DNM3: variants seen among roughly 807,000 people sequenced by gnomAD.
DNM3 encodes the protein dynamin 3.
DNM3 carries 47 observed loss-of-function variants against 101.6 expected under a neutral mutation model. The observed-to-expected ratio is 0.46, with a 90% CI of 0.37 to 0.59. DNM3 has a LOEUF of 0.59. Ranked by LOEUF, DNM3 falls within the 20% of genes least tolerant of loss-of-function variation. The probability of loss-of-function intolerance (pLI) is 0.00; values close to 1 mark genes in which losing one functional copy is unlikely to be tolerated. For synonymous variants in DNM3, 385 were observed against 387.9 expected, an observed-to-expected ratio of 0.99 and a Z score of 0.09; for missense variants, 849 against 1,085.7, an observed-to-expected ratio of 0.78 and a Z score of 3.06.
At chr1:171,910,993 G>T (rs1272057519) in intron 1 of DNM3, among the ~76,000 whole-genome samples, 4 of 152,174 alleles carry the variant, frequency 2.6e-5, no homozygotes, top group African/African-American at 9.7e-5. Context: ...TGGTTAAGGA[G>T]TCAACACTGA....
intron 1 of DNM3, among the ~76,000 whole-genome samples, chr1:171,903,542 C>T (rs1455553162): frequency 6.6e-6 from 1 of 152,162 alleles, no homozygotes; most frequent in Non-Finnish European, 1.5e-5. Context: ...GGTAAGTATA[C>T]TATTGTTATT....
In DNM3 at chr1:172,409,311, T is replaced by A. The variant is rs1246193621; in HGVS notation, c.*1470T>A. The A allele has an allele frequency of 1.0e-6, 1 of 985,356 alleles. No homozygotes were observed. Among genetic ancestry groups the A allele is most frequent in the Non-Finnish European group, 1.2e-6 (1 of 829,838 alleles). The allele number at this position is 985,356 out of a possible 1,614,324, so 61.0% of individuals were successfully genotyped here. The stretch of plus-strand genomic sequence containing the variant: ...TTGAAAGTAGCAAACATGATTTGTA[T>A]GTTAACTTAACTTTAATTTCCTGTG... On this transcript the variant is annotated 3_prime_UTR_variant, in exon 21 of 21. Coordinates refer to ENST00000627582, the MANE Select transcript of DNM3 (RefSeq NM_015569.5).
chr1:172,050,324 G>A (rs1294074463), intron 10 of DNM3, among the ~76,000 whole-genome samples: 1 of 152,170 alleles, frequency 6.6e-6, no homozygotes. Flanking sequence ...GCACACAGAT[G>A]TGTTTAGCCA....
Position 172,411,348 on chromosome 1 carries a change from A to G in DNM3, c.*3507A>G. On this transcript the variant is annotated 3_prime_UTR_variant, in exon 21 of 21. Coordinates refer to ENST00000627582, the MANE Select transcript of DNM3 (RefSeq NM_015569.5). ...CATGGTAATGTCCATAGACATTTGT[A>G]TCTGAATCCACAAGAAGATCTGAAT... The G allele has an allele frequency of 3.0e-6, 3 of 985,118 alleles. No individual in the cohort carries two copies. The highest frequency in any genetic ancestry group is 3.5e-5 in the African/African-American group (2 of 57,358). 61.0% of individuals were successfully genotyped at this position (985,118 alleles called of 1,614,324 possible).
intron 15 of DNM3, among the ~76,000 whole-genome samples, chr1:172,276,950 G>A (rs1024323988): frequency 5.9e-5 from 9 of 151,910 alleles, no homozygotes; most frequent in Non-Finnish European, 1.2e-4. Flanking sequence ...TCTGAATCAT[G>A]GTGGAATTCA....
intron 4 of DNM3, among the ~76,000 whole-genome samples, chr1:172,012,023 A>G (rs1267220643): frequency 6.6e-6 from 1 of 152,050 alleles, no homozygotes; most frequent in African/African-American, 2.4e-5. Flanking sequence ...TCTAATTTGC[A>G]ACATTTGTTT....
At chr1:172,096,626 GA>G (rs2054266841) in intron 13 of DNM3, among the ~76,000 whole-genome samples, 1 of 152,220 alleles carries the variant, frequency 6.6e-6, no homozygotes, top group Non-Finnish European at 1.5e-5. Context: ...GGAGCATAGT[GA>G]AAAAGTCAGA....
chr1:172,152,743 T>C (rs2058184771), intron 14 of DNM3, among the ~76,000 whole-genome samples: 2 of 152,138 alleles, frequency 1.3e-5, no homozygotes, highest in South Asian at 4.1e-4. Context: ...GGTATGTGTC[T>C]CCTTCACATT....
chr1:172,058,889 A>G (rs1215905539), intron 10 of DNM3, among the ~76,000 whole-genome samples: 1 of 152,196 alleles, frequency 6.6e-6, no homozygotes, highest in African/African-American at 2.4e-5. Flanking sequence ...ACCCTTAAAA[A>G]ATTAATGAAT....
At chr1:172,318,389 C>T (rs1308906990) in intron 16 of DNM3, among the ~76,000 whole-genome samples, 1 of 152,082 alleles carries the variant, frequency 6.6e-6, no homozygotes, top group African/African-American at 2.4e-5. Context: ...CTGGCCAGGG[C>T]AATCAGGCAG....
chr1:171,963,903 C>A (rs893621245), intron 2 of DNM3, among the ~76,000 whole-genome samples: 1 of 151,812 alleles, frequency 6.6e-6, no homozygotes, highest in Non-Finnish European at 1.5e-5. Context: ...CAAAGGCATT[C>A]AAAAAACCTG....
intron 15 of DNM3, among the ~76,000 whole-genome samples, chr1:172,300,069 A>G (rs1237545739): frequency 6.6e-6 from 1 of 152,112 alleles, no homozygotes; most frequent in Non-Finnish European, 1.5e-5. Flanking sequence ...GCTTTTTAGT[A>G]GTAGCCATTC....
At chr1:172,384,900 C>G (rs2069104422) in intron 18 of DNM3, among the ~76,000 whole-genome samples, 1 of 152,194 alleles carries the variant, frequency 6.6e-6, no homozygotes, top group Non-Finnish European at 1.5e-5. Flanking sequence ...GAGATTTGTG[C>G]AAATATCCAT....
chr1:172,136,844 G>C (rs1306896434), intron 14 of DNM3: 1 of 151,942 alleles, frequency 6.6e-6, no homozygotes, highest in Non-Finnish European at 1.5e-5. Flanking sequence ...TTTCCCAGAA[G>C]AGAAAAATTT....
At chr1:171,951,487 C>T (rs1006283477) in intron 2 of DNM3, among the ~76,000 whole-genome samples, 3 of 152,150 alleles carry the variant, frequency 2.0e-5, no homozygotes, top group Admixed American at 1.3e-4. Flanking sequence ...AAACCATTCT[C>T]ATTCTCTAAA....
intron 12 of DNM3, among the ~76,000 whole-genome samples, chr1:172,091,264 C>G (rs187547322): frequency 6.6e-6 from 1 of 152,252 alleles, no homozygotes; most frequent in African/African-American, 2.4e-5. Flanking sequence ...CAGACGCAAA[C>G]CCCTGCTCAT....
chr1:172,277,835 A>T (rs2063345444), intron 15 of DNM3, among the ~76,000 whole-genome samples: 1 of 152,110 alleles, frequency 6.6e-6, no homozygotes, highest in African/African-American at 2.4e-5. Flanking sequence ...CTAGAATAAG[A>T]AGCCTTGAAT....
chr1:172,056,807 A>G lies in DNM3; in HGVS notation c.1335+8057A>G, dbSNP rs375576252. 6.3e-4 allele frequency among the ~76,000 whole-genome samples: 96 copies of G among 152,354 alleles called. 1 individual carries two copies. In the East Asian group the frequency reaches 6.7e-3, roughly 11 times the overall value. ...AGTGCCTCTCCTCCTCCAAAGGAACACAGTTCCTCACCAGCAAAGGAACAA... is the reference window on the plus strand; with the variant it reads ...AGTGCCTCTCCTCCTCCAAAGGAACGCAGTTCCTCACCAGCAAAGGAACAA... On this transcript the variant is annotated intron_variant, in intron 10 of 20. Coordinates refer to ENST00000627582, the MANE Select transcript of DNM3 (RefSeq NM_015569.5).
At chr1:172,094,699 G>A (rs1044671742) in intron 13 of DNM3, among the ~76,000 whole-genome samples, 6 of 152,186 alleles carry the variant, frequency 3.9e-5, no homozygotes, top group African/African-American at 1.4e-4. Flanking sequence ...AAAGTTAGGT[G>A]CTGTTTCTTC....
Sources: allele counts gnomAD v4.1 joint callset (sites outside exome capture counted in the v4.1 genomes callset), GRCh38; gene constraint gnomAD v4.1.1; transcripts MANE v1.5; gene names NCBI Gene and HGNC (gene_info 2026-07-23, HGNC 2026-07-21).